Variants in LOC128125817 observed in about 807,000 individuals in gnomAD.
At chr1:41,607,066 C>A in the LOC128125817 span, among the ~76,000 whole-genome samples, 1 of 152,096 alleles carries the variant, frequency 6.6e-6, no homozygotes, top group Non-Finnish European at 1.5e-5. Flanking sequence ...TTAGGCAATC[C>A]TCCCACCTCA....
At chr1:41,618,308 C>A in the LOC128125817 span, among the ~76,000 whole-genome samples, 2 of 152,368 alleles carry the variant, frequency 1.3e-5, no homozygotes, top group Admixed American at 1.3e-4. Context: ...GAGGTTAACT[C>A]TCCCCAGGCC....
chr1:41,622,229 T>C, the LOC128125817 span, among the ~76,000 whole-genome samples: 3 of 152,074 alleles, frequency 2.0e-5, no homozygotes, highest in African/African-American at 7.2e-5. Flanking sequence ...AACTTGCATA[T>C]ATGACCAGGG....
chr1:41,622,234 C>T, the LOC128125817 span, among the ~76,000 whole-genome samples: 3 of 152,086 alleles, frequency 2.0e-5, no homozygotes, highest in Non-Finnish European at 4.4e-5. Flanking sequence ...GCATATATGA[C>T]CAGGGTAGAA....
At chr1:41,618,120 C>A in the LOC128125817 span, among the ~76,000 whole-genome samples, 14 of 152,198 alleles carry the variant, frequency 9.2e-5, no homozygotes, top group Admixed American at 8.5e-4. Context: ...CTGCCCTGTG[C>A]TGGGTGCTGG....
At chr1:41,598,950 G>A in the LOC128125817 span, among the ~76,000 whole-genome samples, 1 of 152,002 alleles carries the variant, frequency 6.6e-6, no homozygotes, top group East Asian at 1.9e-4. Context: ...CAAGCAGCTG[G>A]GACTACAGAC....
At chr1:41,594,521 C>A in the LOC128125817 span, among the ~76,000 whole-genome samples, 17 of 152,084 alleles carry the variant, frequency 1.1e-4, no homozygotes, top group South Asian at 4.1e-4. Flanking sequence ...CCCGCCTGGC[C>A]GATATCTTAT....
the LOC128125817 span, among the ~76,000 whole-genome samples, chr1:41,604,870 G>A: frequency 5.9e-5 from 9 of 152,136 alleles, no homozygotes; most frequent in South Asian, 6.2e-4. Flanking sequence ...TTGGGAGGCC[G>A]AGGTGAGTGA....
the LOC128125817 span, among the ~76,000 whole-genome samples, chr1:41,589,528 C>T: frequency 6.6e-6 from 1 of 152,198 alleles, no homozygotes; most frequent in Non-Finnish European, 1.5e-5. Flanking sequence ...CCTTCTGTAT[C>T]GAAGGCGTCA....
chr1:41,604,244 T>C, the LOC128125817 span, among the ~76,000 whole-genome samples: 1 of 152,202 alleles, frequency 6.6e-6, no homozygotes, highest in Non-Finnish European at 1.5e-5. Context: ...GCAGATCTAT[T>C]CATGATAGCC....
the LOC128125817 span, among the ~76,000 whole-genome samples, chr1:41,612,362 A>G: frequency 6.6e-6 from 1 of 152,174 alleles, no homozygotes; most frequent in African/African-American, 2.4e-5. Flanking sequence ...CAGCTCACCA[A>G]AGGCCCCTGT....
chr1:41,605,170 G>A, the LOC128125817 span, among the ~76,000 whole-genome samples: 2,976 of 132,428 alleles, frequency 0.022, 58 homozygotes, highest in Middle Eastern at 0.04. Flanking sequence ...GGAGAGGGGA[G>A]GGGAGGGGAG....
the LOC128125817 span, among the ~76,000 whole-genome samples, chr1:41,597,390 T>C: frequency 6.6e-6 from 1 of 152,232 alleles, no homozygotes; most frequent in Non-Finnish European, 1.5e-5. Context: ...TCTGTGGGCA[T>C]AATAATTCAG....
chr1:41,628,764 C>T, the LOC128125817 span: 2 of 1,232,070 alleles, frequency 1.6e-6, no homozygotes, highest in Non-Finnish European at 2.0e-6. Flanking sequence ...CTGAAGGCAC[C>T]ACTTCCGATG....
chr1:41,613,542 G>A, the LOC128125817 span, among the ~76,000 whole-genome samples: 3 of 152,344 alleles, frequency 2.0e-5, no homozygotes, highest in African/African-American at 7.2e-5. Context: ...ATTGTGGAAA[G>A]CTTCAGTTAA....
chr1:41,594,531 T>C, the LOC128125817 span, among the ~76,000 whole-genome samples: 1 of 152,236 alleles, frequency 6.6e-6, no homozygotes, highest in Non-Finnish European at 1.5e-5. Flanking sequence ...CGATATCTTA[T>C]GTTTTAAAAC....
the LOC128125817 span, among the ~76,000 whole-genome samples, chr1:41,620,013 G>A: frequency 1.3e-5 from 2 of 152,120 alleles, no homozygotes; most frequent in African/African-American, 4.8e-5. Context: ...GCAGGGGTTT[G>A]GGGGCTGCAG....
the LOC128125817 span, among the ~76,000 whole-genome samples, chr1:41,603,855 T>C: frequency 0.094 from 14,243 of 152,296 alleles, 728 homozygotes; most frequent in Middle Eastern, 0.18. Flanking sequence ...GTCTATAGTG[T>C]TGTTCGAGTC....
chr1:41,587,153 C>T, the LOC128125817 span, among the ~76,000 whole-genome samples: 1 of 152,150 alleles, frequency 6.6e-6, no homozygotes, highest in Non-Finnish European at 1.5e-5. Context: ...CAGTCAGGAG[C>T]AGTGAATGAT....
the LOC128125817 span, among the ~76,000 whole-genome samples, chr1:41,620,926 C>T: frequency 2.6e-4 from 40 of 152,296 alleles, no homozygotes; most frequent in African/African-American, 9.4e-4. Flanking sequence ...CTTCCACCTG[C>T]GGCACCTCGA....
Sources: allele counts gnomAD v4.1 joint callset (sites outside exome capture counted in the v4.1 genomes callset), GRCh38; gene constraint gnomAD v4.1.1; transcripts MANE v1.5.